SH3D19: variants seen among roughly 807,000 people sequenced by gnomAD.
SH3D19 encodes the protein SH3 domain-containing protein 19.
In SH3D19, 58 loss-of-function variants were observed where a neutral mutation model predicts 112.1. The observed-to-expected ratio is 0.52, with a 90% CI of 0.42 to 0.64. The LOEUF is 0.64. Among genes scored for constraint, SH3D19 ranks in the 30% least tolerant of loss-of-function variants. SH3D19 has a pLI of 0.00. For synonymous variants in SH3D19, 391 were observed against 448.5 expected, an observed-to-expected ratio of 0.87 and a Z score of 1.62; for missense variants, 1,090 against 1,263.4, an observed-to-expected ratio of 0.86 and a Z score of 2.08.
At chr4:151,156,504 T>C in intron 9 of SH3D19, among the ~76,000 whole-genome samples, 1 of 151,790 alleles carries the variant, frequency 6.6e-6, no homozygotes. Flanking sequence ...GAATAGAGAA[T>C]CCAAAAATTA....
intron 1 of SH3D19, among the ~76,000 whole-genome samples, chr4:151,319,504 C>T (rs1160575700): frequency 1.3e-5 from 2 of 152,166 alleles, no homozygotes; most frequent in African/African-American, 4.8e-5. Context: ...GTCCAGAGAA[C>T]TAATGCAGTT....
At chr4:151,123,230 C>T (rs1196231851) in intron 19 of SH3D19, among the ~76,000 whole-genome samples, 1 of 152,190 alleles carries the variant, frequency 6.6e-6, no homozygotes, top group Non-Finnish European at 1.5e-5. Context: ...GCCAGTGTCG[C>T]ATGTCTAGTT....
intron 1 of SH3D19, among the ~76,000 whole-genome samples, chr4:151,228,658 A>G (rs1262845886): frequency 2.0e-5 from 3 of 152,206 alleles, no homozygotes; most frequent in Non-Finnish European, 4.4e-5. Flanking sequence ...CCAAGACTGA[A>G]CAAAACAAAT....
intron 1 of SH3D19, chr4:151,261,248 T>A (rs995714251): frequency 6.6e-6 from 1 of 152,188 alleles, no homozygotes; most frequent in African/African-American, 2.4e-5. Context: ...ACCCACGGTA[T>A]CTCTTCTGCT....
intron 1 of SH3D19, chr4:151,283,076 T>C (rs760518911): frequency 8.7e-6 from 14 of 1,601,574 alleles, no homozygotes; most frequent in Non-Finnish European, 1.1e-5. Context: ...CCTGCACTTT[T>C]CTAGGTTGCT....
intron 1 of SH3D19, among the ~76,000 whole-genome samples, chr4:151,250,799 A>G (rs1003692329): frequency 6.6e-6 from 1 of 152,190 alleles, no homozygotes; most frequent in Non-Finnish European, 1.5e-5. Flanking sequence ...TCAGTACACA[A>G]TTCCTAACAC....
intron 13 of SH3D19, 109 bp downstream of exon 13, chr4:151,139,666 T>C (rs1561214323): frequency 2.2e-6 from 2 of 923,174 alleles, no homozygotes; most frequent in Non-Finnish European, 3.4e-6. Context: ...TCGGACTCTA[T>C]AGGCACAGAA....
intron 2 of SH3D19, among the ~76,000 whole-genome samples, chr4:151,197,532 C>T (rs1337885471): frequency 1.3e-5 from 2 of 152,200 alleles, no homozygotes; most frequent in Admixed American, 6.5e-5. Context: ...TGTGCATGCA[C>T]GTGACTATTT....
At chr4:151,122,847 CTTTTTTTTT>C (rs760704406) in intron 19 of SH3D19, among the ~76,000 whole-genome samples, 1 of 120,842 alleles carries the variant, frequency 8.3e-6, no homozygotes, top group South Asian at 2.6e-4. Context: ...ATTTTAGAGA[CTTTTTTTTT>C]TTTTTTTTTT....
At chr4:151,292,397 A>T (rs1407983017) in intron 1 of SH3D19, among the ~76,000 whole-genome samples, 4 of 152,186 alleles carry the variant, frequency 2.6e-5, no homozygotes, top group Non-Finnish European at 5.9e-5. Context: ...TACCAGTGTG[A>T]CCTACTACGA....
At chr4:151,166,874 G>T (rs150390873) in intron 7 of SH3D19, among the ~76,000 whole-genome samples, 5 of 152,218 alleles carry the variant, frequency 3.3e-5, no homozygotes, top group African/African-American at 1.2e-4. Context: ...GTTCTCAGTC[G>T]ATCTCACCAT....
rs978976502 is a variant in SH3D19 at position 151,266,942 on chromosome 4, C to G, written c.113-40856G>C. Among the ~76,000 whole-genome samples the G allele has an allele frequency of 6.6e-5, 10 of 152,248 alleles. No individual in the cohort carries two copies. In the East Asian group the frequency reaches 1.9e-3, roughly 29 times the overall value. ...AATAAAAACACACAAAACTGAGGTTCAAAGAGGCTAAGTAATCTGCCTAAG... is the reference window on the plus strand; with the variant it reads ...AATAAAAACACACAAAACTGAGGTTGAAAGAGGCTAAGTAATCTGCCTAAG... On this transcript the variant is annotated intron_variant, in intron 1 of 19. Transcript: ENST00000604030.
At chr4:151,227,853 A>G (rs1769245579) in intron 1 of SH3D19, 1 of 985,278 alleles carries the variant, frequency 1.0e-6, no homozygotes, top group African/African-American at 1.7e-5. Context: ...GTAATAGCAA[A>G]TTTCCCCACT....
At chr4:151,276,004 A>T (rs1312903901) in intron 1 of SH3D19, among the ~76,000 whole-genome samples, 2 of 151,878 alleles carry the variant, frequency 1.3e-5, no homozygotes, top group Admixed American at 6.6e-5. Flanking sequence ...CACTACACCC[A>T]GCTAATTTTT....
intron 1 of SH3D19, among the ~76,000 whole-genome samples, chr4:151,287,510 CTATATATACCGGA>C: frequency 6.6e-6 from 1 of 152,022 alleles, no homozygotes; most frequent in Non-Finnish European, 1.5e-5. Flanking sequence ...ATAAAAAGGA[CTATATATACCGGA>C]ATGCCGATTT....
chr4:151,292,615 A>G (rs554196161), intron 1 of SH3D19, among the ~76,000 whole-genome samples: 15 of 152,350 alleles, frequency 9.8e-5, no homozygotes, highest in Admixed American at 3.3e-4. Flanking sequence ...AGGCTGCCAG[A>G]AACTCAGAGC....
chr4:151,192,413 C>T (rs755437510), intron 2 of SH3D19, among the ~76,000 whole-genome samples: 1 of 152,130 alleles, frequency 6.6e-6, no homozygotes, highest in African/African-American at 2.4e-5. Context: ...TAGTACTGGG[C>T]ACGTATCAGA....
intron 1 of SH3D19, chr4:151,227,876 G>C: frequency 2.0e-6 from 2 of 985,358 alleles, no homozygotes; most frequent in Non-Finnish European, 2.4e-6. Flanking sequence ...TCTTCCTAGT[G>C]GTACAACACA....
intron 15 of SH3D19, among the ~76,000 whole-genome samples, chr4:151,134,287 G>T (rs1199612089): frequency 6.6e-6 from 1 of 151,760 alleles, no homozygotes; most frequent in Non-Finnish European, 1.5e-5. Flanking sequence ...AGCAGGTAAT[G>T]AATTCTATTA....
Sources: gnomAD v4.1 joint callset for allele counts (sites outside exome capture counted in the v4.1 genomes callset) on GRCh38, gnomAD v4.1.1 for gene constraint, MANE v1.5 for transcripts, NCBI Gene and HGNC (gene_info 2026-07-23, HGNC 2026-07-21) for gene names.